Variants in ZFHX3 observed in about 807,000 individuals in gnomAD.
ZFHX3 encodes zinc finger homeobox protein 3.
In ZFHX3, 42 loss-of-function variants were observed where a neutral mutation model predicts 279.1. The observed-to-expected ratio is 0.15, with a 90% confidence interval of 0.12 to 0.19. The LOEUF (loss-of-function observed/expected upper bound fraction) is 0.19, where lower values mean the gene tolerates loss of function less well. Ranked by LOEUF, ZFHX3 falls within the 10% of genes least tolerant of loss-of-function variation. ZFHX3 has a pLI of 1.00. For synonymous variants in ZFHX3, 2,293 were observed against 1,957.8 expected (o/e 1.17, Z -4.52); for missense variants, 4,981 against 4,754.0 (o/e 1.05, Z -1.40).
At chr16:73,661,427 T>C (rs1444475093) in intron 2 of ZFHX3, among the ~76,000 whole-genome samples, 2 of 152,162 alleles carry the variant, frequency 1.3e-5, no homozygotes, top group Admixed American at 1.3e-4. Context: ...AGATTTTTAA[T>C]AAAGGATGTA....
At chr16:73,329,416 G>A (rs768432062) in intron 3 of ZFHX3, among the ~76,000 whole-genome samples, 20 of 152,248 alleles carry the variant, frequency 1.3e-4, no homozygotes, top group South Asian at 4.1e-4. Flanking sequence ...CGTCTTGTGC[G>A]CTTAGCCATT....
At chr16:73,715,562 CTTTTTTTTT>C (rs949665075) in intron 1 of ZFHX3, among the ~76,000 whole-genome samples, 2 of 63,016 alleles carry the variant, frequency 3.2e-5, no homozygotes, top group Admixed American at 3.3e-4. Context: ...CACAGCTGGT[CTTTTTTTTT>C]TTTTTTTTTT....
At chr16:73,382,852 G>A (rs1187681744) in intron 3 of ZFHX3, among the ~76,000 whole-genome samples, 1 of 152,126 alleles carries the variant, frequency 6.6e-6, no homozygotes, top group African/African-American at 2.4e-5. Context: ...CTGGGATGAG[G>A]GCTACCCCTG....
At chr16:73,189,033 T>C (rs1406120862) in intron 5 of ZFHX3, among the ~76,000 whole-genome samples, 1 of 152,026 alleles carries the variant, frequency 6.6e-6, no homozygotes, top group Non-Finnish European at 1.5e-5. Flanking sequence ...CTGGCTACTT[T>C]TTGTATTTTT....
chr16:73,843,128 A>C (rs2142371914), intron 1 of ZFHX3, among the ~76,000 whole-genome samples: 1 of 152,346 alleles, frequency 6.6e-6, no homozygotes, highest in Admixed American at 6.5e-5. Flanking sequence ...CATTGTGCTT[A>C]ATTGTTTGCA....
intron 4 of ZFHX3, among the ~76,000 whole-genome samples, chr16:72,873,864 TAC>T (rs2038228442): frequency 6.6e-6 from 1 of 152,238 alleles, no homozygotes; most frequent in African/African-American, 2.4e-5. Context: ...TCTTAATGGC[TAC>T]ACAGATTTCC....
At chr16:73,698,923 T>C (rs2053222151) in intron 1 of ZFHX3, among the ~76,000 whole-genome samples, 1 of 152,148 alleles carries the variant, frequency 6.6e-6, no homozygotes, top group Admixed American at 6.5e-5. Flanking sequence ...TCTTCCTCTG[T>C]AGCCAGGCTG....
chr16:73,371,258 G>A (rs2016623639), intron 3 of ZFHX3, among the ~76,000 whole-genome samples: 2 of 151,740 alleles, frequency 1.3e-5, no homozygotes, highest in African/African-American at 4.8e-5. Flanking sequence ...AGTGAGCCGA[G>A]ATCGCACCAC....
At chr16:72,991,871 A>G (rs367978293) in intron 1 of ZFHX3, among the ~76,000 whole-genome samples, 6 of 152,244 alleles carry the variant, frequency 3.9e-5, no homozygotes, top group African/African-American at 1.4e-4. Flanking sequence ...TAGCCAGTCA[A>G]TGTTTATCTG....
At chr16:73,228,506 T>C (rs1187968224) in intron 5 of ZFHX3, among the ~76,000 whole-genome samples, 1 of 151,842 alleles carries the variant, frequency 6.6e-6, no homozygotes, top group Admixed American at 6.6e-5. Flanking sequence ...CTACGAAAAA[T>C]ACAAAAATTA....
At chr16:72,877,305 C>T (rs901167204) in intron 4 of ZFHX3, among the ~76,000 whole-genome samples, 14 of 152,128 alleles carry the variant, frequency 9.2e-5, no homozygotes, top group African/African-American at 3.4e-4. Flanking sequence ...CCTCTGGACT[C>T]GCAGCGCTGG....
chr16:73,862,527 C>G (rs1961911154), intron 1 of ZFHX3, among the ~76,000 whole-genome samples: 2 of 152,194 alleles, frequency 1.3e-5, no homozygotes, highest in Admixed American at 6.5e-5. Flanking sequence ...ATAATCCCAA[C>G]ATTTTGAGAG....
chr16:72,839,905 C>G (rs1240371369), intron 4 of ZFHX3, among the ~76,000 whole-genome samples: 1 of 152,176 alleles, frequency 6.6e-6, no homozygotes, highest in Non-Finnish European at 1.5e-5. Flanking sequence ...AGGTGTGAGG[C>G]TGAGCAGTCC....
chr16:72,871,482 CA>C (rs2038159702), intron 4 of ZFHX3, among the ~76,000 whole-genome samples: 1 of 151,890 alleles, frequency 6.6e-6, no homozygotes, highest in African/African-American at 2.4e-5. Context: ...GCTGGGATTA[CA>C]AGCACGCGCC....
chr16:72,993,944 T>C (rs1237478711), intron 1 of ZFHX3, among the ~76,000 whole-genome samples: 2 of 151,996 alleles, frequency 1.3e-5, no homozygotes, highest in Non-Finnish European at 2.9e-5. Flanking sequence ...AGCAGCCGAG[T>C]GCACTAATTC....
chr16:73,699,875 G>T, intron 1 of ZFHX3, among the ~76,000 whole-genome samples: 1 of 151,998 alleles, frequency 6.6e-6, no homozygotes, highest in East Asian at 1.9e-4. Flanking sequence ...AGAAATTTGG[G>T]GTTCATATTA....
At chr16:73,314,662 C>T (rs1042729747) in intron 4 of ZFHX3, among the ~76,000 whole-genome samples, 3 of 152,178 alleles carry the variant, frequency 2.0e-5, no homozygotes, top group East Asian at 3.9e-4. Context: ...TTGCTGTTCA[C>T]AGAGAAAGAA....
At chr16:73,727,795 G>A (rs1343336146) in intron 1 of ZFHX3, among the ~76,000 whole-genome samples, 1 of 151,908 alleles carries the variant, frequency 6.6e-6, no homozygotes, top group South Asian at 2.1e-4. Flanking sequence ...CGACTATCAG[G>A]ACACAACTCT....
chr16:73,733,414 T>C (rs932787478), intron 1 of ZFHX3, among the ~76,000 whole-genome samples: 1 of 152,334 alleles, frequency 6.6e-6, no homozygotes, highest in Non-Finnish European at 1.5e-5. Flanking sequence ...TCAATTAATT[T>C]TACTCATTTT....
Sources: allele counts gnomAD v4.1 joint callset (sites outside exome capture counted in the v4.1 genomes callset), GRCh38; gene constraint gnomAD v4.1.1; transcripts MANE v1.5; gene names NCBI Gene and HGNC (gene_info 2026-07-23, HGNC 2026-07-21).